NR3C2: variants seen among roughly 807,000 people sequenced by gnomAD.
The protein encoded by NR3C2 is mineralocorticoid receptor.
A neutral mutation model predicts 86.4 loss-of-function variants in NR3C2; 15 were observed. The ratio of observed to expected loss-of-function variants is 0.17; its 90% confidence interval spans 0.12 to 0.27. The LOEUF (loss-of-function observed/expected upper bound fraction) is 0.27, where lower values mean the gene tolerates loss of function less well. NR3C2 is among the 10% of genes least tolerant of loss of function. The pLI, the probability that NR3C2 is intolerant of heterozygous loss-of-function variation, is 1.00. For synonymous variants in NR3C2, 458 were observed against 450.5 expected (o/e 1.02, Z -0.21); for missense variants, 960 against 1,195.6 (o/e 0.80, Z 2.91).
intron 8 of NR3C2, among the ~76,000 whole-genome samples, chr4:148,099,919 C>G (rs1731459384): frequency 6.6e-6 from 1 of 152,290 alleles, no homozygotes; most frequent in East Asian, 1.9e-4. Context: ...AAAGATCACC[C>G]TGTGGCAGCA....
intron 3 of NR3C2, among the ~76,000 whole-genome samples, chr4:148,247,182 G>A (rs774517626): frequency 6.6e-5 from 10 of 152,184 alleles, no homozygotes; most frequent in Admixed American, 1.3e-4. Context: ...GCCACCTCAC[G>A]ATGGGAAATG....
Position 148,080,923 on chromosome 4 carries a change from T to G in NR3C2, c.*421A>C. ...ACAAAAGAATATTAATGCCCCATAT[T>G]GACTATACGTTTTATGTGCAAACCA... On this transcript the variant is annotated 3_prime_UTR_variant, in exon 9 of 9. Coordinates refer to ENST00000358102, the MANE Select transcript of NR3C2 (RefSeq NM_000901.5). 3.1e-6 allele frequency: 1 copy of G among 326,956 alleles called. No homozygotes were observed. Among genetic ancestry groups the G allele is most frequent in the South Asian group, 2.5e-5 (1 of 39,458 alleles). The allele number at this position is 326,956 out of a possible 1,614,324, so 20.3% of individuals were successfully genotyped here.
chr4:148,330,664 A>G (rs1440783243), intron 2 of NR3C2, among the ~76,000 whole-genome samples: 4 of 152,190 alleles, frequency 2.6e-5, no homozygotes. Context: ...ATTTGACTTT[A>G]TATTCAAAGG....
At chr4:148,104,765 T>C (rs939312617) in intron 8 of NR3C2, among the ~76,000 whole-genome samples, 2 of 152,212 alleles carry the variant, frequency 1.3e-5, no homozygotes, top group African/African-American at 4.8e-5. Flanking sequence ...TCCTACAAGA[T>C]GGGTATTATT....
chr4:148,131,982 T>A (rs1272379479), intron 6 of NR3C2, among the ~76,000 whole-genome samples: 3 of 152,230 alleles, frequency 2.0e-5, no homozygotes, highest in Non-Finnish European at 2.9e-5. Context: ...CCAATGATAG[T>A]CCTAAAAGTC....
At chr4:148,444,832 C>T, upstream of NR3C2, 8 of 985,028 alleles carry the variant, frequency 8.1e-6, no homozygotes, top group Non-Finnish European at 8.4e-6. Flanking sequence ...CGCGTCCGCT[C>T]GGCGTTGACA....
At chr4:148,293,643 C>T (rs967001917) in intron 2 of NR3C2, among the ~76,000 whole-genome samples, 12 of 152,124 alleles carry the variant, frequency 7.9e-5, no homozygotes, top group Non-Finnish European at 1.5e-4. Context: ...CATGTGAGTG[C>T]TTTCTGTGTC....
Position 148,402,648 on chromosome 4 carries a change from G to T in NR3C2, c.1757+32456C>A, listed in dbSNP as rs115369395. Among the ~76,000 whole-genome samples the T allele has an allele frequency of 5.4e-3, 826 of 152,276 alleles. 7 individuals carry two copies. The highest frequency in any genetic ancestry group is 9.4e-3 in the Non-Finnish European group (642 of 68,002). On this transcript the variant is annotated intron_variant, in intron 2 of 8. Transcript: ENST00000358102. ...CACAACAATCGCTATATAAGTCCTTGAGGTAAGGAACTTCAATATCTTCAT... is the reference window on the plus strand; with the variant it reads ...CACAACAATCGCTATATAAGTCCTTTAGGTAAGGAACTTCAATATCTTCAT...
At chr4:148,390,407 G>C (rs1747483802) in intron 2 of NR3C2, among the ~76,000 whole-genome samples, 1 of 152,094 alleles carries the variant, frequency 6.6e-6, no homozygotes, top group African/African-American at 2.4e-5. Context: ...ATGGGGTTTA[G>C]GGTTAGGTAA....
chr4:148,278,072 C>T (rs766540377), intron 2 of NR3C2, among the ~76,000 whole-genome samples: 17 of 149,496 alleles, frequency 1.1e-4, no homozygotes, highest in South Asian at 2.1e-4. Context: ...TCTCAAAGAA[C>T]TTACAGAGTC....
At chr4:148,112,573 T>C (rs1457871157) in intron 8 of NR3C2, among the ~76,000 whole-genome samples, 1 of 152,218 alleles carries the variant, frequency 6.6e-6, no homozygotes, top group Non-Finnish European at 1.5e-5. Context: ...CTTGCCATCA[T>C]CTCTTATTTC....
chr4:148,327,504 T>C (rs1194356651), intron 2 of NR3C2, among the ~76,000 whole-genome samples: 1 of 152,194 alleles, frequency 6.6e-6, no homozygotes, highest in Non-Finnish European at 1.5e-5. Flanking sequence ...GGAGCACCTC[T>C]AAAGGTATGG....
chr4:148,154,959 T>G, intron 4 of NR3C2, 58 bp from the exon 5 acceptor site: 1 of 1,356,616 alleles, frequency 7.4e-7, no homozygotes, highest in Non-Finnish European at 1.0e-6. Flanking sequence ...ATATGCTGAC[T>G]CACACTGGTT....
intron 3 of NR3C2, among the ~76,000 whole-genome samples, chr4:148,213,019 A>G (rs1228872660): frequency 2.0e-5 from 3 of 152,202 alleles, no homozygotes; most frequent in African/African-American, 7.2e-5. Flanking sequence ...TGAGGGAAGG[A>G]GAGGAGGACA....
intron 2 of NR3C2, among the ~76,000 whole-genome samples, chr4:148,271,463 T>C (rs1413448215): frequency 6.2e-5 from 1 of 16,106 alleles, no homozygotes; most frequent in Non-Finnish European, 1.0e-4. Context: ...GAAAGGCTGT[T>C]TTTTTGGCCA....
chr4:148,108,874 A>C (rs1351802712), intron 8 of NR3C2, among the ~76,000 whole-genome samples: 1 of 152,182 alleles, frequency 6.6e-6, no homozygotes, highest in Non-Finnish European at 1.5e-5. Context: ...CCTCACAGAA[A>C]CGATGAATTC....
chr4:148,325,352 AG>A (rs1743908762), intron 2 of NR3C2, among the ~76,000 whole-genome samples: 1 of 152,220 alleles, frequency 6.6e-6, no homozygotes, highest in African/African-American at 2.4e-5. Flanking sequence ...GAGAAAAATA[AG>A]CAAAGTAACT....
At chr4:148,342,358 C>T (rs767394967) in intron 2 of NR3C2, among the ~76,000 whole-genome samples, 23 of 152,134 alleles carry the variant, frequency 1.5e-4, no homozygotes, top group Non-Finnish European at 2.5e-4. Context: ...AGACAGATCT[C>T]TGTTTAATTC....
At chr4:148,356,024 C>A (rs1452624113) in intron 2 of NR3C2, among the ~76,000 whole-genome samples, 1 of 152,124 alleles carries the variant, frequency 6.6e-6, no homozygotes, top group Non-Finnish European at 1.5e-5. Context: ...TAACAAGTGG[C>A]AAGTGTTTAC....
Sources: allele counts gnomAD v4.1 joint callset (sites outside exome capture counted in the v4.1 genomes callset), GRCh38; gene constraint gnomAD v4.1.1; transcripts MANE v1.5; gene names NCBI Gene and HGNC (gene_info 2026-07-23, HGNC 2026-07-21).